Variants in SLC6A20 observed in about 807,000 individuals in gnomAD.
SLC6A20 encodes solute carrier family 6 member 20.
A neutral mutation model predicts 64.3 loss-of-function variants in SLC6A20; 73 were observed. The observed-to-expected ratio is 1.14, with a 90% CI of 0.94 to 1.38. The LOEUF is 1.38. SLC6A20 is among the 40% of genes most tolerant of loss of function. The pLI is 0.00. For synonymous variants in SLC6A20, 347 were observed against 329.6 expected (o/e 1.05, Z -0.57); for missense variants, 725 against 772.8 (o/e 0.94, Z 0.73).
chr3:45,787,909 C>A (rs1182520294), intron 1 of SLC6A20, among the ~76,000 whole-genome samples: 10 of 152,166 alleles, frequency 6.6e-5, no homozygotes. Flanking sequence ...CATGTGTTTT[C>A]TCTTCTTGTA....
In SLC6A20 at chr3:45,759,888, G is replaced by A; in HGVS notation, c.1598C>T (p.Thr533Ile). The A allele has an allele frequency of 1.2e-6, 2 of 1,614,094 alleles. No individual in the cohort carries two copies. Among genetic ancestry groups the A allele is most frequent in the Non-Finnish European group, 1.7e-6 (2 of 1,180,000 alleles). The change falls in exon 10 of 11, where the codon ACC becomes ATC. Residue 533 changes from threonine to isoleucine, a missense_variant. Thr to Ile is a moderately conservative substitution (Grantham distance 89). Coordinates refer to ENST00000358525, the MANE Select transcript of SLC6A20 (RefSeq NM_020208.4). ...GGCGTCCCAGGCTTGATACTTCAGG[G>A]TCCCCGTGAGGATGTAGTCGCTCAG... is the stretch of plus-strand genomic sequence containing the variant. Reference protein sequence around the residue: ...FYLSDYILTGTLKYQAWDASQ... With the variant: ...FYLSDYILTGILKYQAWDASQ...
rs1238855630 is a variant in SLC6A20 at position 45,757,981 on chromosome 3, T to G, written c.*997A>C. The G allele has an allele frequency of 6.7e-6, 1 of 149,876 alleles. No individual in the cohort carries two copies. Among genetic ancestry groups the G allele is most frequent in the Non-Finnish European group, 1.5e-5 (1 of 68,190 alleles). 9.3% of individuals were successfully genotyped at this position (149,876 alleles called of 1,614,324 possible). A position where few individuals can be genotyped will look rare whatever the true frequency, so the allele number is the denominator to read the frequency against. On this transcript the variant is annotated 3_prime_UTR_variant, in exon 11 of 11. Transcript: ENST00000358525. Reference sequence around the variant, plus strand: ...CCCAGACTGGAGTGGAGTGGCATGATCTTGGCTCACAGCAACCGCCACCTC... The same window carrying G: ...CCCAGACTGGAGTGGAGTGGCATGAGCTTGGCTCACAGCAACCGCCACCTC...
chr3:45,785,737 C>T (rs1382012019), intron 1 of SLC6A20, among the ~76,000 whole-genome samples: 1 of 151,742 alleles, frequency 6.6e-6, no homozygotes, highest in Non-Finnish European at 1.5e-5. Flanking sequence ...TTAAATACAG[C>T]CACACATTCT....
At position 45,772,550 on chromosome 3, in the gene SLC6A20, C is replaced by T. The variant is rs769090570; in HGVS notation, c.648G>A (p.Thr216=). Residue 216 remains threonine, a synonymous_variant, in exon 5 of 11, where the codon ACG becomes ACA. Coordinates refer to ENST00000358525, the MANE Select transcript of SLC6A20 (RefSeq NM_020208.4). ...TGAGGCCATTGGTGGCTCCGTGGAG[C>T]GTGAGGCCCCTGATGAGGTAGATGA... ...VLIIYLIRGL[T]LHGATNGLMY... 22 of 1,613,752 alleles carry T rather than the reference C, an allele frequency of 1.4e-5. No individual in the cohort carries two copies. The highest frequency in any genetic ancestry group is 7.7e-5 in the South Asian group (7 of 91,026).
intron 5 of SLC6A20, 137 bp downstream of exon 5, chr3:45,772,368 C>G (rs1405344856): frequency 1.5e-6 from 1 of 686,604 alleles, no homozygotes; most frequent in Non-Finnish European, 2.4e-6. Context: ...ACACTCCTGC[C>G]ACACCCTGGT....
chr3:45,782,068 A>G lies in SLC6A20; in HGVS notation c.262+15T>C. ...GGGTCTCTGGGTGGGAGAGGACTGG[A>G]GGGGCCCCACGTACCGACACCACTG... On this transcript the variant is annotated intron_variant, in intron 2 of 10. Coordinates refer to ENST00000358525, the MANE Select transcript of SLC6A20 (RefSeq NM_020208.4). The G allele has an allele frequency of 1.9e-6, 3 of 1,591,796 alleles. No homozygotes were observed. Among genetic ancestry groups the G allele is most frequent in the Non-Finnish European group, 2.6e-6 (3 of 1,168,372 alleles).
chr3:45,760,923 A>C (rs1418633560), intron 9 of SLC6A20, among the ~76,000 whole-genome samples: 1 of 152,150 alleles, frequency 6.6e-6, no homozygotes, highest in East Asian at 1.9e-4. Flanking sequence ...TCCAGCCCAG[A>C]GCCTTTAAAC....
intron 7 of SLC6A20, among the ~76,000 whole-genome samples, chr3:45,766,499 CCT>C (rs1342184329): frequency 6.6e-6 from 1 of 152,158 alleles, no homozygotes; most frequent in African/African-American, 2.4e-5. Context: ...TTAGAACATC[CCT>C]CCCCGAGGTG....
intron 8 of SLC6A20, among the ~76,000 whole-genome samples, chr3:45,763,431 C>T (rs1047438922): frequency 6.6e-6 from 1 of 152,162 alleles, no homozygotes; most frequent in African/African-American, 2.4e-5. Context: ...GCTGTTTATC[C>T]CAACAACTCA....
rs182712278 is a variant in SLC6A20, at chr3:45,782,309, T to G, written c.122-86A>C. ...CAACCTCTGTGCAAACATCCTTCCA[T>G]CCTCCTGTCTTTCTACTTGTCCATG... On this transcript the variant is annotated intron_variant, in intron 1 of 10. Coordinates refer to ENST00000358525, the MANE Select transcript of SLC6A20 (RefSeq NM_020208.4). 7.1e-5 allele frequency: 106 copies of G among 1,500,580 alleles called. No individual in the cohort carries two copies. The African/African-American group carries it at 1.4e-3, about 20-fold the overall frequency. 93.0% of individuals were successfully genotyped at this position (1,500,580 alleles called of 1,614,324 possible).
Position 45,758,356 on chromosome 3 carries a change from G to C in SLC6A20, c.*622C>G. 2 of 1,178,504 alleles carry C rather than the reference G, an allele frequency of 1.7e-6. No homozygotes were observed. Among genetic ancestry groups the C allele is most frequent in the Non-Finnish European group, 1.1e-6 (1 of 897,932 alleles). 73.0% of individuals were successfully genotyped at this position (1,178,504 alleles called of 1,614,324 possible). A position where few individuals can be genotyped will look rare whatever the true frequency, so the allele number is the denominator to read the frequency against. ...ACTGTAGTTGGGGCAATTTTTTGTA[G>C]AGAGGTCTGGTCCTGGACCCACCGT... On this transcript the variant is annotated 3_prime_UTR_variant, in exon 11 of 11. Transcript: ENST00000358525.
chr3:45,772,663 A>G (rs1158750827), intron 4 of SLC6A20, 48 bp from the exon 5 acceptor site: 1 of 1,479,032 alleles, frequency 6.8e-7, no homozygotes, highest in Non-Finnish European at 9.4e-7. Flanking sequence ...AGTGGGGTCC[A>G]CAGGACAGAC....
chr3:45,783,334 G>A (rs1460333781), intron 1 of SLC6A20, among the ~76,000 whole-genome samples: 1 of 152,240 alleles, frequency 6.6e-6, no homozygotes, highest in African/African-American at 2.4e-5. Context: ...TGGATCCTCA[G>A]TTGTTAAGGT....
At chr3:45,782,666 T>C (rs865826624) in intron 1 of SLC6A20, among the ~76,000 whole-genome samples, 1 of 138,112 alleles carries the variant, frequency 7.2e-6, no homozygotes, top group African/African-American at 2.6e-5. Context: ...CATCCAACCA[T>C]CCATCCATCC....
chr3:45,782,749 A>G (rs765372128), intron 1 of SLC6A20, among the ~76,000 whole-genome samples: 4 of 152,066 alleles, frequency 2.6e-5, no homozygotes, highest in Non-Finnish European at 5.9e-5. Context: ...CTTCCTACTC[A>G]GCCACCTGTC....
chr3:45,786,841 G>A (rs944320416), intron 1 of SLC6A20, among the ~76,000 whole-genome samples: 1 of 152,202 alleles, frequency 6.6e-6, no homozygotes, highest in African/African-American at 2.4e-5. Context: ...CACACATTGA[G>A]CCCTGTGGTA....
At position 45,758,375 on chromosome 3, in the gene SLC6A20, C is replaced by A. The variant is rs1699587226; in HGVS notation, c.*603G>T. 1.6e-6 allele frequency: 2 copies of A among 1,247,344 alleles called. No individual in the cohort carries two copies. The highest frequency in any genetic ancestry group is 2.1e-6 in the Non-Finnish European group (2 of 956,838). The allele number at this position is 1,247,344 out of a possible 1,614,324, so 77.3% of individuals were successfully genotyped here. A position where few individuals can be genotyped will look rare whatever the true frequency, so the allele number is the denominator to read the frequency against. ...TTTGTAGAGAGGTCTGGTCCTGGAC[C>A]CACCGTCAGAGACCTTAGAGAAAGG... On this transcript the variant is annotated 3_prime_UTR_variant, in exon 11 of 11. Coordinates refer to ENST00000358525, the MANE Select transcript of SLC6A20 (RefSeq NM_020208.4).
chr3:45,788,168 A>C (rs541785870), intron 1 of SLC6A20, among the ~76,000 whole-genome samples: 1 of 152,018 alleles, frequency 6.6e-6, no homozygotes, highest in East Asian at 1.9e-4. Flanking sequence ...CTGACATTAC[A>C]GGGTGAACCA....
chr3:45,783,014 C>T (rs536559285), intron 1 of SLC6A20, among the ~76,000 whole-genome samples: 9 of 152,182 alleles, frequency 5.9e-5, no homozygotes, highest in Non-Finnish European at 1.0e-4. Flanking sequence ...TTCAGCTGTC[C>T]ACCTCTATGC....
Sources: allele counts gnomAD v4.1 joint callset (sites outside exome capture counted in the v4.1 genomes callset), GRCh38; gene constraint gnomAD v4.1.1; transcripts MANE v1.5; gene names NCBI Gene and HGNC (gene_info 2026-07-23, HGNC 2026-07-21).